TTLL11: variants seen among roughly 807,000 people sequenced by gnomAD.
TTLL11 encodes tubulin tyrosine ligase like 11, also known as tubulin polyglutamylase TTLL11.
In TTLL11, 42 loss-of-function variants were observed where a neutral mutation model predicts 51.7. That is an observed-to-expected ratio of 0.81 (90% CI 0.64 to 1.05). The LOEUF is 1.05. Among genes scored for constraint, TTLL11 ranks in the 50% least tolerant of loss-of-function variants. The probability of loss-of-function intolerance (pLI) is 0.00; values close to 1 mark genes in which losing one functional copy is unlikely to be tolerated. For synonymous variants in TTLL11, 381 were observed against 383.5 expected (o/e 0.99, Z 0.08); for missense variants, 799 against 940.4 (o/e 0.85, Z 1.97).
chr9:122,002,440 G>A (rs1374154067), intron 3 of TTLL11, among the ~76,000 whole-genome samples: 2 of 152,130 alleles, frequency 1.3e-5, no homozygotes, highest in South Asian at 4.1e-4. Flanking sequence ...CTTTCCTTAG[G>A]CCCCTGTAGC....
chr9:121,998,010 A>G (rs1178004953), intron 3 of TTLL11, among the ~76,000 whole-genome samples: 7 of 152,180 alleles, frequency 4.6e-5, no homozygotes, highest in Admixed American at 4.6e-4. Context: ...CCCAGAAGAC[A>G]TCACAGCTGA....
chr9:121,981,820 C>T (rs1842836635), intron 4 of TTLL11, among the ~76,000 whole-genome samples: 1 of 152,242 alleles, frequency 6.6e-6, no homozygotes, highest in African/African-American at 2.4e-5. Flanking sequence ...TCTTTGGAGA[C>T]TCCATTGCAT....
At chr9:122,018,322 T>C (rs1259401234) in intron 3 of TTLL11, among the ~76,000 whole-genome samples, 1 of 151,976 alleles carries the variant, frequency 6.6e-6, no homozygotes, top group East Asian at 1.9e-4. Context: ...CCGTGTTAGC[T>C]AGGGTGGTCT....
intron 8 of TTLL11, among the ~76,000 whole-genome samples, chr9:121,850,243 G>A (rs1215560276): frequency 6.6e-6 from 1 of 152,128 alleles, no homozygotes; most frequent in Non-Finnish European, 1.5e-5. Flanking sequence ...TGTGAAAGGG[G>A]ATTTATTAGG....
At chr9:122,052,137 G>A (rs1243872899) in intron 1 of TTLL11, among the ~76,000 whole-genome samples, 14 of 152,242 alleles carry the variant, frequency 9.2e-5, no homozygotes, top group African/African-American at 3.4e-4. Context: ...TCTGCCAAAT[G>A]TGAGCACATC....
rs1220053778 is a variant in TTLL11 at position 121,819,806 on chromosome 9, A to G, written c.*2781T>C. ...CTGCTTTTGCTATCGTTTCAATTACATCCAATAAAACGAGTGGCCGATTAC... is the reference window on the plus strand; with the variant it reads ...CTGCTTTTGCTATCGTTTCAATTACGTCCAATAAAACGAGTGGCCGATTAC... On this transcript the variant is annotated 3_prime_UTR_variant, in exon 9 of 9. Coordinates refer to ENST00000321582, the MANE Select transcript of TTLL11 (RefSeq NM_001139442.2). 6.6e-6 allele frequency among the ~76,000 whole-genome samples: 1 copy of G among 152,204 alleles called. No individual in the cohort carries two copies. Among genetic ancestry groups the G allele is most frequent in the African/African-American group, 2.4e-5 (1 of 41,446 alleles).
chr9:121,990,337 C>G (rs958514377), intron 3 of TTLL11, among the ~76,000 whole-genome samples: 2 of 152,234 alleles, frequency 1.3e-5, no homozygotes, highest in Non-Finnish European at 2.9e-5. Flanking sequence ...TATCTACACC[C>G]TTTCCATCTG....
intron 4 of TTLL11, among the ~76,000 whole-genome samples, chr9:121,984,297 T>C (rs1842894623): frequency 6.6e-6 from 1 of 152,218 alleles, no homozygotes; most frequent in Admixed American, 6.5e-5. Flanking sequence ...CACTTCATCA[T>C]AGACAAATTT....
chr9:122,051,503 G>T lies in TTLL11; in HGVS notation c.463-12135C>A, dbSNP rs141833365. 8.8e-4 allele frequency among the ~76,000 whole-genome samples: 134 copies of T among 152,244 alleles called. 1 individual carries two copies. The highest frequency in any genetic ancestry group is 3.1e-3 in the African/African-American group (127 of 41,544). Reference sequence around the variant, plus strand: ...TAGTTAAAACTTTCCCTCCCATGTGGTTGCTTGTGATACTGCCTGCTTGTT... The same window carrying T: ...TAGTTAAAACTTTCCCTCCCATGTGTTTGCTTGTGATACTGCCTGCTTGTT... On this transcript the variant is annotated intron_variant, in intron 1 of 8. Transcript: ENST00000321582.
rs62574018 is a variant in TTLL11, at chr9:122,042,385, C to G, written c.463-3017G>C. Reference sequence around the variant, plus strand: ...AATCACAATGAGATACCACCAGCACCTATTACAATGGCCAAAGTCCAAAAC... The same window carrying G: ...AATCACAATGAGATACCACCAGCACGTATTACAATGGCCAAAGTCCAAAAC... On this transcript the variant is annotated intron_variant, in intron 1 of 8. Transcript: ENST00000321582. Among the ~76,000 whole-genome samples the G allele has an allele frequency of 2.9e-3, 448 of 152,300 alleles. 4 individuals carry two copies. Among genetic ancestry groups the G allele is most frequent in the South Asian group, 0.02 (95 of 4,824 alleles).
Position 121,870,670 on chromosome 9 carries a change from G to C in TTLL11, c.1560C>G (p.Asn520Lys). 1 of 1,551,728 alleles carries C rather than the reference G, an allele frequency of 6.4e-7. No homozygotes were observed. Among genetic ancestry groups the C allele is most frequent in the Non-Finnish European group, 8.7e-7 (1 of 1,146,996 alleles). Residue 520 changes from asparagine to lysine, a missense_variant, in exon 7 of 9, where the codon AAC becomes AAG. Physicochemically the swap from Asn to Lys is moderately conservative, Grantham distance 94. Coordinates refer to ENST00000321582, the MANE Select transcript of TTLL11 (RefSeq NM_001139442.2). ...AAGGCAGGTGGGCTTCGGGGTTGGC[G>C]TTGCAGTCTGGAGCACTGGTCAGCT... ...DGELTSAPDC[N>K]ANPEAHLPSI...
intron 6 of TTLL11, among the ~76,000 whole-genome samples, chr9:121,902,735 G>A (rs992301058): frequency 3.3e-5 from 5 of 152,142 alleles, no homozygotes; most frequent in South Asian, 2.1e-4. Flanking sequence ...CTTTTCTGAC[G>A]CAGATGGGAG....
At chr9:121,935,123 T>TTTG (rs1366816982) in intron 6 of TTLL11, among the ~76,000 whole-genome samples, 1 of 151,796 alleles carries the variant, frequency 6.6e-6, no homozygotes, top group Non-Finnish European at 1.5e-5. Context: ...CCCGGCTATT[T>TTTG]TTTTTTTGTA....
intron 2 of TTLL11, among the ~76,000 whole-genome samples, chr9:122,037,527 T>C (rs1411403578): frequency 6.6e-6 from 1 of 152,200 alleles, no homozygotes; most frequent in African/African-American, 2.4e-5. Flanking sequence ...AGATATCTAG[T>C]AGAAAGTCAT....
chr9:121,949,925 T>C (rs1057119216), intron 6 of TTLL11, among the ~76,000 whole-genome samples: 8 of 151,948 alleles, frequency 5.3e-5, no homozygotes, highest in African/African-American at 1.9e-4. Context: ...CTTCAGTCCT[T>C]CCTGTTCTGA....
chr9:121,958,827 G>T (rs1180566409), intron 6 of TTLL11, among the ~76,000 whole-genome samples: 4 of 152,172 alleles, frequency 2.6e-5, no homozygotes, highest in South Asian at 2.1e-4. Flanking sequence ...GCCCTGCACA[G>T]GTGTATGGGG....
chr9:121,965,519 TTGTGGGGATTACA>T (rs1223472107), intron 6 of TTLL11, among the ~76,000 whole-genome samples: 2 of 152,116 alleles, frequency 1.3e-5, no homozygotes, highest in Admixed American at 6.6e-5. Flanking sequence ...CCACCAGGTC[TTGTGGGGATTACA>T]ATCCGAGATG....
intron 6 of TTLL11, among the ~76,000 whole-genome samples, chr9:121,957,404 C>T (rs1842055344): frequency 6.6e-6 from 1 of 152,214 alleles, no homozygotes; most frequent in Non-Finnish European, 1.5e-5. Flanking sequence ...TCCTCCTCTG[C>T]TTCCCTGGCT....
chr9:122,033,376 G>T (rs35773037), intron 2 of TTLL11, among the ~76,000 whole-genome samples: 3,966 of 152,258 alleles, frequency 0.026, 76 homozygotes, highest in Non-Finnish European at 0.039. Context: ...GCCTCCCAAA[G>T]TGCTGGGATT....
Sources: gnomAD v4.1 joint callset for allele counts (sites outside exome capture counted in the v4.1 genomes callset) on GRCh38, gnomAD v4.1.1 for gene constraint, MANE v1.5 for transcripts, NCBI Gene and HGNC (gene_info 2026-07-23, HGNC 2026-07-21) for gene names.